The following HTR4 variants were observed in gnomAD, a reference collection of about 807,000 sequenced individuals.
HTR4 encodes the protein 5-hydroxytryptamine (serotonin) receptor 4, G protein-coupled.
Under a neutral mutation model 36.8 loss-of-function variants are expected in HTR4, and 16 were observed. The observed-to-expected ratio is 0.43, with a 90% CI of 0.29 to 0.66. The LOEUF (loss-of-function observed/expected upper bound fraction) is 0.66. Ranked by LOEUF, HTR4 falls within the 30% of genes least tolerant of loss-of-function variation. The pLI is 0.13. For missense variants in HTR4, 438 were observed against 490.9 expected (o/e 0.89, Z 1.02); for synonymous variants, 189 against 185.1 (o/e 1.02, Z -0.17).
At chr5:148,610,155 T>C (rs897314567) in intron 2 of HTR4, among the ~76,000 whole-genome samples, 1 of 152,164 alleles carries the variant, frequency 6.6e-6, no homozygotes, top group Admixed American at 6.5e-5. Context: ...TCTTCAGCCC[T>C]CATAGTCTTG....
chr5:148,509,056 A>G (rs1027364074), intron 6 of HTR4, among the ~76,000 whole-genome samples: 1 of 152,166 alleles, frequency 6.6e-6, no homozygotes, highest in Admixed American at 6.6e-5. Flanking sequence ...CCTTTAAATA[A>G]TAATAGATAA....
intron 5 of HTR4, among the ~76,000 whole-genome samples, chr5:148,455,733 T>A (rs1482602745): frequency 1.3e-5 from 2 of 152,314 alleles, no homozygotes; most frequent in Admixed American, 1.3e-4. Context: ...TACTGGTAGT[T>A]TACTGTTGAC....
chr5:148,559,504 C>G (rs567705041), intron 2 of HTR4, among the ~76,000 whole-genome samples: 11 of 152,178 alleles, frequency 7.2e-5, no homozygotes, highest in Admixed American at 7.2e-4. Flanking sequence ...AACAAATAAC[C>G]TGAGCAATAC....
chr5:148,608,454 A>C (rs1452578353), intron 2 of HTR4, among the ~76,000 whole-genome samples: 2 of 152,224 alleles, frequency 1.3e-5, no homozygotes, highest in Non-Finnish European at 2.9e-5. Flanking sequence ...GAATGCTCTC[A>C]GTAGCAAGAG....
chr5:148,473,573 C>A (rs1385933116), downstream of HTR4, among the ~76,000 whole-genome samples: 1 of 152,128 alleles, frequency 6.6e-6, no homozygotes, highest in African/African-American at 2.4e-5. Context: ...TACTTTTTGC[C>A]TGGCTTTCTG....
chr5:148,586,646 G>T (rs1054673534), intron 2 of HTR4, among the ~76,000 whole-genome samples: 1 of 152,120 alleles, frequency 6.6e-6, no homozygotes, highest in African/African-American at 2.4e-5. Context: ...GTTACAATTA[G>T]AGATGAGATT....
intron 1 of HTR4, chr5:148,644,630 T>C (rs1320964944): frequency 1.3e-5 from 2 of 152,162 alleles, no homozygotes; most frequent in African/African-American, 4.8e-5. Flanking sequence ...AAGCTTAATC[T>C]CACAGGGAAG....
intron 2 of HTR4, among the ~76,000 whole-genome samples, chr5:148,593,187 T>C (rs1446194716): frequency 6.6e-6 from 1 of 152,178 alleles, no homozygotes; most frequent in Non-Finnish European, 1.5e-5. Flanking sequence ...GAGTTCCTCT[T>C]TCATGGGACT....
chr5:148,566,694 T>A (rs1760454481), intron 2 of HTR4, among the ~76,000 whole-genome samples: 1 of 152,176 alleles, frequency 6.6e-6, no homozygotes, highest in African/African-American at 2.4e-5. Context: ...CTGGTATATG[T>A]ATGTGATACA....
At chr5:148,542,592 T>A (rs997967008) in intron 4 of HTR4, among the ~76,000 whole-genome samples, 1 of 152,174 alleles carries the variant, frequency 6.6e-6, no homozygotes, top group Non-Finnish European at 1.5e-5. Context: ...CAAAAAAGAA[T>A]CTTGCAGTAC....
chr5:148,536,687 A>T (rs1374495902), intron 4 of HTR4, among the ~76,000 whole-genome samples: 3 of 152,170 alleles, frequency 2.0e-5, no homozygotes, highest in African/African-American at 7.2e-5. Context: ...AACAAGACCT[A>T]GCTATCCTAA....
chr5:148,616,946 T>C (rs537791507), intron 2 of HTR4, among the ~76,000 whole-genome samples: 1 of 152,346 alleles, frequency 6.6e-6, no homozygotes, highest in East Asian at 1.9e-4. Flanking sequence ...ACTAATCTTA[T>C]TGCATTTTCC....
intron 2 of HTR4, among the ~76,000 whole-genome samples, chr5:148,559,669 G>A (rs776587743): frequency 6.6e-6 from 1 of 152,100 alleles, no homozygotes; most frequent in Non-Finnish European, 1.5e-5. Flanking sequence ...AGCCCAGAAC[G>A]ATCAGGACTT....
chr5:148,613,209 C>T (rs1208733387), intron 2 of HTR4, among the ~76,000 whole-genome samples: 8 of 150,798 alleles, frequency 5.3e-5, no homozygotes, highest in Non-Finnish European at 7.4e-5. Flanking sequence ...ATATCAAAGC[C>T]GGGCAGAGAC....
intron 5 of HTR4, among the ~76,000 whole-genome samples, chr5:148,519,771 T>C (rs557422367): frequency 7.7e-4 from 117 of 152,326 alleles, no homozygotes; most frequent in Admixed American, 1.5e-3. Context: ...ACAAGTGTCC[T>C]TTTTGCTATT....
chr5:148,526,123 C>G (rs914566972), intron 4 of HTR4, among the ~76,000 whole-genome samples: 2 of 152,100 alleles, frequency 1.3e-5, no homozygotes, highest in Non-Finnish European at 2.9e-5. Context: ...AGACTTCTAG[C>G]CTTTAGAGCA....
chr5:148,515,983 AAC>A, intron 5 of HTR4, among the ~76,000 whole-genome samples: 1 of 137,278 alleles, frequency 7.3e-6, no homozygotes, highest in Non-Finnish European at 1.7e-5. Flanking sequence ...ATATATATGT[AAC>A]ATATATATAT....
chr5:148,540,146 C>T (rs1050929861), intron 4 of HTR4, among the ~76,000 whole-genome samples: 1 of 151,522 alleles, frequency 6.6e-6, no homozygotes. Context: ...TGCATGTTCT[C>T]GTTTATAAAT....
chr5:148,503,494 A>G (rs1241316515), intron 6 of HTR4, among the ~76,000 whole-genome samples: 1 of 152,252 alleles, frequency 6.6e-6, no homozygotes, highest in Non-Finnish European at 1.5e-5. Context: ...TTAAGGAAGC[A>G]CTAAACATGG....
Sources: allele counts gnomAD v4.1 joint callset (sites outside exome capture counted in the v4.1 genomes callset), GRCh38; gene constraint gnomAD v4.1.1; transcripts MANE v1.5; gene names NCBI Gene and HGNC (gene_info 2026-07-23, HGNC 2026-07-21).